ADAMTS2: variants seen among roughly 807,000 people sequenced by gnomAD.
The protein encoded by ADAMTS2 is ADAM metallopeptidase with thrombospondin type 1 motif 2, also known as A disintegrin and metalloproteinase with thrombospondin motifs 2.
A neutral mutation model predicts 123.0 loss-of-function variants in ADAMTS2; 50 were observed. The observed-to-expected ratio is 0.41, with a 90% CI of 0.32 to 0.51. The LOEUF is 0.51. Among genes scored for constraint, ADAMTS2 ranks in the 20% least tolerant of loss-of-function variants. The pLI, the probability that ADAMTS2 is intolerant of heterozygous loss-of-function variation, is 0.35. For missense variants in ADAMTS2, 1,494 were observed against 1,705.2 expected, an observed-to-expected ratio of 0.88 and a Z score of 2.18; for synonymous variants, 678 against 695.4, an observed-to-expected ratio of 0.98 and a Z score of 0.39.
chr5:179,184,853 A>G lies in ADAMTS2; in HGVS notation c.892-3698T>C, dbSNP rs543491700. Among the ~76,000 whole-genome samples, 8 of 152,274 alleles carry G rather than the reference A, an allele frequency of 5.3e-5. No individual in the cohort carries two copies. The East Asian group carries it at 1.4e-3, about 26-fold the overall frequency. ...CTCCTGCCAGGAGGCGGAGAGGGAC[A>G]CTCAGATGCTACGAGACCAGCTCCA... On this transcript the variant is annotated intron_variant, in intron 4 of 21. Coordinates refer to ENST00000251582, the MANE Select transcript of ADAMTS2 (RefSeq NM_014244.5).
intron 2 of ADAMTS2, among the ~76,000 whole-genome samples, chr5:179,300,898 G>A (rs1406086454): frequency 1.3e-5 from 2 of 152,112 alleles, no homozygotes; most frequent in Non-Finnish European, 2.9e-5. Flanking sequence ...CTTCATCTAC[G>A]CGGAGCCAGA....
intron 3 of ADAMTS2, among the ~76,000 whole-genome samples, chr5:179,268,594 T>G (rs1400074460): frequency 6.6e-6 from 1 of 152,232 alleles, no homozygotes; most frequent in South Asian, 2.1e-4. Flanking sequence ...GGCTTCTCTG[T>G]GCACGTGGTC....
In ADAMTS2 at chr5:179,132,148, C is replaced by A. The variant is rs1410380209; in HGVS notation, c.2290+82G>T. The A allele has an allele frequency of 1.4e-6, 2 of 1,416,882 alleles. No homozygotes were observed. Among genetic ancestry groups the A allele is most frequent in the Admixed American group, 1.8e-5 (1 of 56,548 alleles). 87.8% of individuals were successfully genotyped at this position (1,416,882 alleles called of 1,614,324 possible). A position where few individuals can be genotyped will look rare whatever the true frequency, so the allele number is the denominator to read the frequency against. On this transcript the variant is annotated intron_variant, in intron 15 of 21. Transcript: ENST00000251582. This position sits in a 1 kb window ranked among gnomAD's most constrained non-coding sequence, Gnocchi z 6.1. ...ATGGCTGCACAACCCGGGCCCCTGA[C>A]CCCTGACCCCTGGCACTCTGCCCAT...
rs185301716 is a variant in ADAMTS2, at chr5:179,308,045, C to G, written c.535-34981G>C. Among the ~76,000 whole-genome samples the G allele has an allele frequency of 6.6e-6, 1 of 152,158 alleles. No individual in the cohort carries two copies. The highest frequency in any genetic ancestry group is 2.4e-5 in the African/African-American group (1 of 41,430). On this transcript the variant is annotated intron_variant, in intron 2 of 21. Transcript: ENST00000251582. This position sits in a 1 kb window ranked among gnomAD's most constrained non-coding sequence, Gnocchi z 6.6. Reference sequence around the variant, plus strand: ...GAGTACGGGAGGTCGCCGGCCCTCCCGAGGCTCCCTTCCCCTACTTCAGGA... The same window carrying G: ...GAGTACGGGAGGTCGCCGGCCCTCCGGAGGCTCCCTTCCCCTACTTCAGGA...
At chr5:179,283,928 A>C in intron 2 of ADAMTS2, among the ~76,000 whole-genome samples, 1 of 147,836 alleles carries the variant, frequency 6.8e-6, no homozygotes, top group African/African-American at 2.5e-5. Context: ...ACAAAACAAA[A>C]CAATAAATGG....
chr5:179,264,499 G>T (rs1436416979), intron 3 of ADAMTS2, among the ~76,000 whole-genome samples: 1 of 152,204 alleles, frequency 6.6e-6, no homozygotes, highest in Non-Finnish European at 1.5e-5. Context: ...CACAGTTGCT[G>T]ATCAAACGCC....
chr5:179,328,650 C>T (rs1222399559), intron 2 of ADAMTS2, among the ~76,000 whole-genome samples: 1 of 152,166 alleles, frequency 6.6e-6, no homozygotes, highest in African/African-American at 2.4e-5. Context: ...TATCATTAGT[C>T]TGAAAGAAGC....
At chr5:179,299,312 G>T (rs187422692) in intron 2 of ADAMTS2, among the ~76,000 whole-genome samples, 3 of 100,086 alleles carry the variant, frequency 3.0e-5, no homozygotes, top group African/African-American at 8.7e-5. Flanking sequence ...GGCGGATCAC[G>T]AGGTCAGGAG....
intron 3 of ADAMTS2, among the ~76,000 whole-genome samples, chr5:179,209,806 T>A (rs1262730642): frequency 6.6e-6 from 1 of 152,188 alleles, no homozygotes; most frequent in African/African-American, 2.4e-5. Flanking sequence ...TTTTTGTACA[T>A]TTATTTCTTT....
chr5:179,315,258 A>AGGCCACAGTTGGCTTCTGGAAAGCACTGC, intron 2 of ADAMTS2, among the ~76,000 whole-genome samples: 1 of 152,042 alleles, frequency 6.6e-6, no homozygotes, highest in Non-Finnish European at 1.5e-5. Flanking sequence ...GAAAGCACTG[A>AGGCCACAGTTGGCTTCTGGAAAGCACTGC]GGCCACAGTT....
intron 2 of ADAMTS2, among the ~76,000 whole-genome samples, chr5:179,297,322 C>G (rs1234091485): frequency 6.6e-6 from 1 of 152,116 alleles, no homozygotes; most frequent in Non-Finnish European, 1.5e-5. Context: ...AAAAATTGAT[C>G]CCGGCCTCCC....
In ADAMTS2 at chr5:179,129,950, G is replaced by T; in HGVS notation, c.2439C>A (p.His813Gln). The change falls in exon 16 of 22, where the codon CAC (histidine) becomes CAA (glutamine). Residue 813 changes from histidine to glutamine, a missense_variant. Physicochemically the swap from His to Gln is conservative, Grantham distance 24 (BLOSUM62 0). Transcript: ENST00000251582. This position sits in a 1 kb window ranked among gnomAD's most constrained non-coding sequence, Gnocchi z 4.1. ...RETLQTMGPL[H>Q]GTITVLVIPV... ...GACTCACCAGAACGGTGATGGTGCC[G>T]TGGAGGGGGCCCATGGTCTGCAGCG... 6.2e-7 allele frequency: 1 copy of T among 1,613,960 alleles called. No individual in the cohort carries two copies. Among genetic ancestry groups the T allele is most frequent in the Non-Finnish European group, 8.5e-7 (1 of 1,180,020 alleles).
At position 179,155,220 on chromosome 5, in the gene ADAMTS2, T is replaced by A. The variant is rs1389920784; in HGVS notation, c.1133-301A>T. Among the ~76,000 whole-genome samples, 1 of 152,212 alleles carries A rather than the reference T, an allele frequency of 6.6e-6. No homozygotes were observed. The highest frequency in any genetic ancestry group is 1.9e-4 in the East Asian group (1 of 5,196). ...CAGATGTCACCTGCTATGGCTTGTC[T>A]GACACCTGACTTTCCTGCCTGCCGT... On this transcript the variant is annotated intron_variant, in intron 6 of 21. Coordinates refer to ENST00000251582, the MANE Select transcript of ADAMTS2 (RefSeq NM_014244.5). The surrounding 1 kb of genome is among the most constrained non-coding windows in gnomAD (Gnocchi z 5.1).
intron 4 of ADAMTS2, among the ~76,000 whole-genome samples, chr5:179,183,214 T>C (rs1274322543): frequency 2.0e-5 from 3 of 152,196 alleles, no homozygotes; most frequent in African/African-American, 7.2e-5. Context: ...ACAGTAGCCT[T>C]AAAAGCCAGT....
At position 179,329,431 on chromosome 5, in the gene ADAMTS2, G is replaced by A. The variant is rs529418874; in HGVS notation, c.534+14336C>T. 4.0e-5 allele frequency among the ~76,000 whole-genome samples: 6 copies of A among 151,836 alleles called. No homozygotes were observed. The East Asian group carries it at 1.2e-3, about 29-fold the overall frequency. On this transcript the variant is annotated intron_variant, in intron 2 of 21. Coordinates refer to ENST00000251582, the MANE Select transcript of ADAMTS2 (RefSeq NM_014244.5). ...GGAATATACATTCCAAAGTCAAGAA[G>A]AAAGAGTGAATTAGCAAACGAATGG...
chr5:179,270,012 C>T (rs1379924090), intron 3 of ADAMTS2, among the ~76,000 whole-genome samples: 1 of 152,192 alleles, frequency 6.6e-6, no homozygotes, highest in Non-Finnish European at 1.5e-5. Context: ...TCCCTCACCC[C>T]TTGCCCCTCC....
intron 5 of ADAMTS2, among the ~76,000 whole-genome samples, chr5:179,163,193 G>A (rs1016143801): frequency 3.9e-5 from 6 of 152,324 alleles, no homozygotes; most frequent in Admixed American, 1.3e-4. Context: ...AAACCCAAGC[G>A]CCTACAGGAG....
chr5:179,329,221 T>G (rs573535354), intron 2 of ADAMTS2, among the ~76,000 whole-genome samples: 178 of 151,288 alleles, frequency 1.2e-3, no homozygotes, highest in African/African-American at 2.6e-3. Context: ...CAGCTACTCT[T>G]GAGGCTGAAG....
At chr5:179,311,666 C>T (rs1756835718) in intron 2 of ADAMTS2, among the ~76,000 whole-genome samples, 1 of 152,194 alleles carries the variant, frequency 6.6e-6, no homozygotes, top group African/African-American at 2.4e-5. Context: ...CTGGTCACCC[C>T]AGCCTGTCTT....
Sources: allele counts gnomAD v4.1 joint callset (sites outside exome capture counted in the v4.1 genomes callset), GRCh38; gene constraint gnomAD v4.1.1; non-coding constraint Gnocchi (gnomAD v3.1); transcripts MANE v1.5; gene names NCBI Gene and HGNC (gene_info 2026-07-23, HGNC 2026-07-21).